Variants in ARHGAP35 observed in about 807,000 individuals in gnomAD.
ARHGAP35 encodes Rho GTPase activating protein 35.
ARHGAP35 carries 15 observed loss-of-function variants against 111.1 expected under a neutral mutation model. That is an observed-to-expected ratio of 0.13 (90% confidence interval 0.09 to 0.21). ARHGAP35 has a LOEUF of 0.21. Ranked by LOEUF, ARHGAP35 falls within the 10% of genes least tolerant of loss-of-function variation. ARHGAP35 has a pLI of 1.00. For missense variants in ARHGAP35, 1,262 were observed against 1,873.0 expected, an observed-to-expected ratio of 0.67 and a Z score of 6.02; for synonymous variants, 643 against 710.3, an observed-to-expected ratio of 0.91 and a Z score of 1.51.
intron 1 of ARHGAP35, among the ~76,000 whole-genome samples, chr19:46,893,645 A>C (rs2056037784): frequency 6.6e-6 from 1 of 151,716 alleles, no homozygotes; most frequent in Non-Finnish European, 1.5e-5. Flanking sequence ...GTTTTGACTT[A>C]GGTTTTTTAA....
rs753884197 is a variant in ARHGAP35 at position 46,986,657 on chromosome 19, G to C, written c.3827-1332G>C. On this transcript the variant is annotated intron_variant, in intron 3 of 6. Coordinates refer to ENST00000672722, the MANE Select transcript of ARHGAP35 (RefSeq NM_004491.5). The surrounding 1 kb of genome is among the most constrained non-coding windows in gnomAD (Gnocchi z 4.3). Reference sequence around the variant, plus strand: ...AAGGAAAAATGTAAACATATATAACGTTGATATAATTACTTAATATTCATA... The same window carrying C: ...AAGGAAAAATGTAAACATATATAACCTTGATATAATTACTTAATATTCATA... Among the ~76,000 whole-genome samples the C allele has an allele frequency of 6.6e-6, 1 of 152,066 alleles. No individual in the cohort carries two copies. Among genetic ancestry groups the C allele is most frequent in the Non-Finnish European group, 1.5e-5 (1 of 68,032 alleles).
At chr19:46,943,777 G>A (rs2056362973) in intron 3 of ARHGAP35, among the ~76,000 whole-genome samples, 1 of 152,164 alleles carries the variant, frequency 6.6e-6, no homozygotes, top group Non-Finnish European at 1.5e-5. Flanking sequence ...CACTTGTGAA[G>A]GCAGAGCTTG....
At position 46,921,031 on chromosome 19, in the gene ARHGAP35, A is replaced by G. The variant is rs1214919582; in HGVS notation, c.2356A>G (p.Met786Val). ...GGCTGATGTTGATCTGCGAATTGTT[A>G]TGTGTCTGATGTGTGGAGATCCTTT... ...DLADVDLRIV[M>V]CLMCGDPFSA... The change falls in exon 2 of 7, where the codon ATG (methionine) becomes GTG (valine). Residue 786 changes from methionine to valine, a missense_variant. This residue lies in a region of ARHGAP35 where 579 missense variants were observed against 716.9 expected (regional missense o/e 0.81). Coordinates refer to ENST00000672722, the MANE Select transcript of ARHGAP35 (RefSeq NM_004491.5). The surrounding 1 kb of genome is among the most constrained non-coding windows in gnomAD (Gnocchi z 4.3). 6.2e-7 allele frequency: 1 copy of G among 1,613,862 alleles called. No individual in the cohort carries two copies. The highest frequency in any genetic ancestry group is 8.5e-7 in the Non-Finnish European group (1 of 1,179,902).
chr19:46,982,337 T>G (rs1436298095), intron 3 of ARHGAP35, among the ~76,000 whole-genome samples: 1 of 151,888 alleles, frequency 6.6e-6, no homozygotes, highest in Non-Finnish European at 1.5e-5. Flanking sequence ...CTTGGCCAGG[T>G]GCAGTGGCAG....
Position 46,920,709 on chromosome 19 carries a change from A to G in ARHGAP35, c.2034A>G (p.Ile678Met), listed in dbSNP as rs1290475603. ...CGCTATCCTATGTAGTGGAAAGTATAGAGAAGAGTAGAGAGTCCACGCTGG... is the reference window on the plus strand; with the variant it reads ...CGCTATCCTATGTAGTGGAAAGTATGGAGAAGAGTAGAGAGTCCACGCTGG... ...KESLSYVVESIEKSRESTLGR... is the reference protein window; with the variant it reads ...KESLSYVVESMEKSRESTLGR... The change falls in exon 2 of 7, where the codon ATA (isoleucine) becomes ATG (methionine). Residue 678 changes from isoleucine (I) to methionine (M), a missense_variant. Coordinates refer to ENST00000672722, the MANE Select transcript of ARHGAP35 (RefSeq NM_004491.5). This position sits in a 1 kb window ranked among gnomAD's most constrained non-coding sequence, Gnocchi z 7.0. The G allele has an allele frequency of 6.2e-7, 1 of 1,613,872 alleles. No individual in the cohort carries two copies. Among genetic ancestry groups the G allele is most frequent in the Non-Finnish European group, 8.5e-7 (1 of 1,179,822 alleles).
At chr19:46,935,409 A>G (rs763960408) in intron 2 of ARHGAP35, among the ~76,000 whole-genome samples, 3 of 152,310 alleles carry the variant, frequency 2.0e-5, no homozygotes, top group Non-Finnish European at 4.4e-5. Flanking sequence ...CCTTGTGTAC[A>G]TTATATTCTG....
chr19:46,882,892 C>G (rs1018105239), intron 1 of ARHGAP35, among the ~76,000 whole-genome samples: 1 of 152,158 alleles, frequency 6.6e-6, no homozygotes, highest in Admixed American at 6.5e-5. Flanking sequence ...TGGAGTAGCA[C>G]TTTTAATTTC....
At chr19:46,916,678 G>T (rs1236587098) in intron 1 of ARHGAP35, among the ~76,000 whole-genome samples, 1 of 151,574 alleles carries the variant, frequency 6.6e-6, no homozygotes. Context: ...TTGAAAACTT[G>T]TAAAAATAGC....
At chr19:46,923,927 A>G in intron 2 of ARHGAP35, among the ~76,000 whole-genome samples, 1 of 151,900 alleles carries the variant, frequency 6.6e-6, no homozygotes, top group Non-Finnish European at 1.5e-5. Context: ...TCTCAAAAAA[A>G]AAAAAGGAAA....
rs368267753 is a variant in ARHGAP35, at chr19:46,919,998, G to A, written c.1323G>A (p.Glu441=). ...EMRRAFKENL[E]TSPFITPGKP... is the part of the protein sequence containing the mutation. Reference sequence around the variant, plus strand: ...GAAGGGCGTTTAAAGAAAACCTGGAGACTTCTCCTTTCATAACTCCCGGAA... The same window carrying A: ...GAAGGGCGTTTAAAGAAAACCTGGAAACTTCTCCTTTCATAACTCCCGGAA... Residue 441 remains glutamate (E), a synonymous_variant, in exon 2 of 7, where the codon GAG becomes GAA. Transcript: ENST00000672722. The surrounding 1 kb of genome is among the most constrained non-coding windows in gnomAD (Gnocchi z 6.2). The A allele has an allele frequency of 1.2e-6, 2 of 1,613,986 alleles. No homozygotes were observed. The highest frequency in any genetic ancestry group is 8.5e-7 in the Non-Finnish European group (1 of 1,179,900).
intron 1 of ARHGAP35, among the ~76,000 whole-genome samples, chr19:46,861,553 TC>T (rs1237788914): frequency 7.2e-6 from 1 of 138,138 alleles, no homozygotes; most frequent in Non-Finnish European, 1.6e-5. Context: ...GCGCCCCCCT[TC>T]CCCCTTCCAC....
intron 3 of ARHGAP35, among the ~76,000 whole-genome samples, chr19:46,957,738 T>C (rs927172038): frequency 6.6e-6 from 1 of 152,244 alleles, no homozygotes; most frequent in Non-Finnish European, 1.5e-5. Flanking sequence ...TGATTGGTGC[T>C]GGCATCAGAA....
intron 1 of ARHGAP35, among the ~76,000 whole-genome samples, chr19:46,880,347 G>A (rs924343631): frequency 2.6e-5 from 4 of 152,044 alleles, no homozygotes; most frequent in South Asian, 4.1e-4. Flanking sequence ...CAGGAGAATC[G>A]CTTGAACCCA....
At chr19:46,907,039 G>A (rs931173614) in intron 1 of ARHGAP35, among the ~76,000 whole-genome samples, 3 of 152,166 alleles carry the variant, frequency 2.0e-5, no homozygotes, top group African/African-American at 7.2e-5. Context: ...GCAGTGAGTT[G>A]TGATTATATC....
At chr19:46,982,306 A>G (rs2056625216) in intron 3 of ARHGAP35, among the ~76,000 whole-genome samples, 1 of 152,012 alleles carries the variant, frequency 6.6e-6, no homozygotes. Flanking sequence ...GCAAAACCCC[A>G]TCTCTACTAA....
chr19:46,945,822 T>C lies in ARHGAP35; in HGVS notation c.3826+8414T>C, dbSNP rs1317092683. 6.6e-6 allele frequency among the ~76,000 whole-genome samples: 1 copy of C among 152,226 alleles called. No homozygotes were observed. The highest frequency in any genetic ancestry group is 1.5e-5 in the Non-Finnish European group (1 of 68,048). ...ACTTCGTTCCCTGTTTCTGTGATTT[T>C]TAACCTCTGCTTTTGGCAGTGTGAG... On this transcript the variant is annotated intron_variant, in intron 3 of 6. Transcript: ENST00000672722. The surrounding 1 kb of genome is among the most constrained non-coding windows in gnomAD (Gnocchi z 4.1).
intron 1 of ARHGAP35, among the ~76,000 whole-genome samples, chr19:46,894,342 A>C (rs535383572): frequency 1.3e-5 from 2 of 152,104 alleles, no homozygotes; most frequent in African/African-American, 4.8e-5. Context: ...TTCTTGATTT[A>C]TAAATATCAC....
At chr19:46,863,669 C>T (rs1389941758) in intron 1 of ARHGAP35, among the ~76,000 whole-genome samples, 1 of 151,976 alleles carries the variant, frequency 6.6e-6, no homozygotes, top group Non-Finnish European at 1.5e-5. Context: ...TTCGCCCCTC[C>T]CCCCCAGCTA....
intron 3 of ARHGAP35, among the ~76,000 whole-genome samples, chr19:46,973,800 A>G (rs908711728): frequency 6.6e-6 from 1 of 152,122 alleles, no homozygotes; most frequent in Non-Finnish European, 1.5e-5. Flanking sequence ...AGCCTGGCCA[A>G]TATGGTGAAA....
Sources: allele counts gnomAD v4.1 joint callset (sites outside exome capture counted in the v4.1 genomes callset), GRCh38; gene constraint gnomAD v4.1.1; regional missense constraint gnomAD v4.1.1; non-coding constraint Gnocchi (gnomAD v3.1); transcripts MANE v1.5; gene names NCBI Gene and HGNC (gene_info 2026-07-23, HGNC 2026-07-21).